RTL4: variants seen among roughly 807,000 people sequenced by gnomAD.
The protein encoded by RTL4 is retrotransposon Gag-like protein 4.
A neutral mutation model predicts 5.3 loss-of-function variants in RTL4; 4 were observed. The observed-to-expected ratio is 0.75, with a 90% CI of 0.37 to 1.72. The LOEUF (loss-of-function observed/expected upper bound fraction) is 1.72. Ranked by LOEUF, RTL4 falls within the 40% of genes most tolerant of loss-of-function variation. The probability of loss-of-function intolerance (pLI) is 0.04; values close to 1 mark genes in which losing one functional copy is unlikely to be tolerated. For missense variants in RTL4, 260 were observed against 227.1 expected (o/e 1.14, Z -0.93); for synonymous variants, 98 against 87.3 (o/e 1.12, Z -0.68).
At chrX:112,108,150 TTTG>T in the RTL4 span, among the ~76,000 whole-genome samples, 415 of 111,922 alleles carry the variant, frequency 3.7e-3, 1 homozygote, top group Non-Finnish European at 5.2e-3. Flanking sequence ...AGAATTTTTA[TTTG>T]TTAATTATTT....
chrX:112,145,318 A>G, the RTL4 span, among the ~76,000 whole-genome samples: 3 of 111,683 alleles, frequency 2.7e-5, no homozygotes, highest in Non-Finnish European at 5.6e-5. Flanking sequence ...ATCGATGCTT[A>G]ATTCACCAGA....
chrX:112,113,288 C>T, the RTL4 span, among the ~76,000 whole-genome samples: 1 of 110,616 alleles, frequency 9.0e-6, no homozygotes, highest in South Asian at 3.9e-4. Context: ...AAATGGGTAA[C>T]TTGTTACCCA....
the RTL4 span, among the ~76,000 whole-genome samples, chrX:112,390,359 C>T: frequency 7.8e-5 from 8 of 101,964 alleles, no homozygotes; most frequent in South Asian, 1.9e-3. Flanking sequence ...GGCTAAGGCA[C>T]GAGACTCGCT....
At chrX:112,297,412 A>G in the RTL4 span, among the ~76,000 whole-genome samples, 1 of 111,788 alleles carries the variant, frequency 8.9e-6, no homozygotes, top group Middle Eastern at 4.6e-3. Flanking sequence ...AAGAGGAAGC[A>G]GGCGCGTCCT....
upstream of RTL4, among the ~76,000 whole-genome samples, chrX:112,451,131 A>G (rs1309339422): frequency 8.9e-6 from 1 of 111,894 alleles, no homozygotes; most frequent in African/African-American, 3.2e-5. Context: ...AAAAACCTGA[A>G]AAAATTTAAA....
chrX:112,166,302 G>C, the RTL4 span, among the ~76,000 whole-genome samples: 1 of 111,816 alleles, frequency 8.9e-6, no homozygotes, highest in African/African-American at 3.3e-5. Context: ...TTTTAAATGG[G>C]CAAAAGGAAG....
chrX:112,107,034 C>A, the RTL4 span, among the ~76,000 whole-genome samples: 1 of 111,327 alleles, frequency 9.0e-6, no homozygotes, highest in Admixed American at 9.5e-5. Context: ...AATTCTATTT[C>A]TCTATTTTTG....
chrX:112,140,190 T>C, the RTL4 span, among the ~76,000 whole-genome samples: 1 of 112,137 alleles, frequency 8.9e-6, no homozygotes, highest in Non-Finnish European at 1.9e-5. Context: ...TGTTTTGTTT[T>C]TTTAAGAACT....
the RTL4 span, among the ~76,000 whole-genome samples, chrX:112,340,185 T>C: frequency 1.8e-5 from 2 of 112,668 alleles, 1 homozygote; most frequent in South Asian, 7.3e-4. Flanking sequence ...TTATTTTTAG[T>C]AGTCTGAAGA....
At chrX:112,318,493 C>A in the RTL4 span, among the ~76,000 whole-genome samples, 1 of 111,903 alleles carries the variant, frequency 8.9e-6, no homozygotes, top group African/African-American at 3.3e-5. Context: ...ATTGAAGGAG[C>A]TTATATGTGC....
the RTL4 span, among the ~76,000 whole-genome samples, chrX:112,167,035 CATCT>C: frequency 1.7e-4 from 19 of 111,390 alleles, no homozygotes; most frequent in Non-Finnish European, 2.6e-4. Context: ...ACACTGAAAG[CATCT>C]ATCTTTGTGT....
At chrX:112,445,506 G>A in the RTL4 span, among the ~76,000 whole-genome samples, 1 of 111,572 alleles carries the variant, frequency 9.0e-6, no homozygotes, top group African/African-American at 3.3e-5. Flanking sequence ...GAAAATTAAG[G>A]TATGTGAGGT....
the RTL4 span, among the ~76,000 whole-genome samples, chrX:112,405,263 CAG>C: frequency 9.0e-6 from 1 of 111,715 alleles, no homozygotes; most frequent in African/African-American, 3.3e-5. Context: ...ACCCTAGACA[CAG>C]AGCAGAGCTT....
chrX:112,342,795 G>A, the RTL4 span, among the ~76,000 whole-genome samples: 1 of 111,807 alleles, frequency 8.9e-6, no homozygotes, highest in South Asian at 3.8e-4. Context: ...TTACCTTCAG[G>A]AGTTCAAATA....
chrX:112,250,945 A>T, the RTL4 span, among the ~76,000 whole-genome samples: 1 of 112,185 alleles, frequency 8.9e-6, no homozygotes, highest in Non-Finnish European at 1.9e-5. Flanking sequence ...TTCATTCAAG[A>T]TCATTATCTT....
the RTL4 span, among the ~76,000 whole-genome samples, chrX:112,301,897 C>T: frequency 3.7e-5 from 4 of 106,856 alleles, no homozygotes; most frequent in Admixed American, 4.1e-4. Flanking sequence ...CCCAGGAGGT[C>T]GAGGCTACAA....
the RTL4 span, among the ~76,000 whole-genome samples, chrX:112,355,548 C>A: frequency 2.7e-5 from 3 of 111,490 alleles, no homozygotes; most frequent in South Asian, 3.8e-4. Flanking sequence ...TTCATGCCAA[C>A]AAAAGTCATC....
At chrX:112,284,621 G>A in the RTL4 span, among the ~76,000 whole-genome samples, 1 of 111,064 alleles carries the variant, frequency 9.0e-6, no homozygotes, top group South Asian at 3.8e-4. Context: ...GTGGCCCAAA[G>A]GAATCTTTGC....
At chrX:112,170,894 G>A in the RTL4 span, among the ~76,000 whole-genome samples, 2 of 111,333 alleles carry the variant, frequency 1.8e-5, no homozygotes, top group African/African-American at 6.5e-5. Flanking sequence ...TGTCACACAT[G>A]GCTCTCATTA....
Sources: gnomAD v4.1 joint callset for allele counts (sites outside exome capture counted in the v4.1 genomes callset) on GRCh38, gnomAD v4.1.1 for gene constraint, MANE v1.5 for transcripts, NCBI Gene and HGNC (gene_info 2026-07-23, HGNC 2026-07-21) for gene names.